Variants in BCKDHB observed in about 807,000 individuals in gnomAD.
BCKDHB encodes 2-oxoisovalerate dehydrogenase subunit beta, mitochondrial.
A neutral mutation model predicts 48.5 loss-of-function variants in BCKDHB; 41 were observed. That is an observed-to-expected ratio of 0.85 (90% CI 0.66 to 1.10). The LOEUF is 1.10. BCKDHB is among the 50% of genes least tolerant of loss of function. BCKDHB has a pLI of 0.00. For missense variants in BCKDHB, 496 were observed against 494.2 expected, an observed-to-expected ratio of 1.00 and a Z score of -0.03; for synonymous variants, 201 against 174.8, an observed-to-expected ratio of 1.15 and a Z score of -1.18.
At chr6:80,292,000 T>C (rs1353414640) in intron 9 of BCKDHB, among the ~76,000 whole-genome samples, 1 of 152,178 alleles carries the variant, frequency 6.6e-6, no homozygotes, top group Admixed American at 6.5e-5. Context: ...AGCCCTGCCA[T>C]GGGTTTGTAC....
chr6:80,392,809 T>C, the BCKDHB span, among the ~76,000 whole-genome samples: 3 of 151,272 alleles, frequency 2.0e-5, no homozygotes, highest in East Asian at 1.9e-4. Flanking sequence ...TGCTTCATCA[T>C]AGCTTAACCT....
chr6:80,419,903 C>T, the BCKDHB span, among the ~76,000 whole-genome samples: 1 of 151,926 alleles, frequency 6.6e-6, no homozygotes, highest in African/African-American at 2.4e-5. Flanking sequence ...CTAATTCTTT[C>T]CTCTACTTGA....
the BCKDHB span, among the ~76,000 whole-genome samples, chr6:80,409,794 C>T: frequency 6.6e-6 from 1 of 151,332 alleles, no homozygotes; most frequent in Non-Finnish European, 1.5e-5. Flanking sequence ...TCCTCTATCC[C>T]TTTATTTTGA....
chr6:80,109,547 A>G (rs1316658224), intron 1 of BCKDHB, among the ~76,000 whole-genome samples: 1 of 152,222 alleles, frequency 6.6e-6, no homozygotes, highest in African/African-American at 2.4e-5. Flanking sequence ...TTGGATATTA[A>G]TGCTAAAATT....
At chr6:80,339,818 T>C (rs1000932232) in intron 9 of BCKDHB, among the ~76,000 whole-genome samples, 4 of 152,196 alleles carry the variant, frequency 2.6e-5, no homozygotes, top group African/African-American at 9.6e-5. Flanking sequence ...CCTTCCACAT[T>C]ACCATTCTTC....
At chr6:80,158,758 A>T (rs1210971628) in intron 3 of BCKDHB, among the ~76,000 whole-genome samples, 1 of 152,206 alleles carries the variant, frequency 6.6e-6, no homozygotes, top group African/African-American at 2.4e-5. Flanking sequence ...CACTGCAGAT[A>T]AAACAGACCC....
intron 9 of BCKDHB, among the ~76,000 whole-genome samples, chr6:80,300,423 A>G (rs1039040819): frequency 1.3e-5 from 2 of 152,264 alleles, no homozygotes; most frequent in South Asian, 2.1e-4. Flanking sequence ...AGGGCATTAC[A>G]TAATGATAAA....
At chr6:80,133,035 C>T (rs182018144) in intron 3 of BCKDHB, among the ~76,000 whole-genome samples, 101 of 152,252 alleles carry the variant, frequency 6.6e-4, no homozygotes, top group African/African-American at 2.4e-3. Context: ...AATCAAGTCA[C>T]ACTGCATTAA....
chr6:80,127,684 C>A, intron 2 of BCKDHB, 60 bp downstream of exon 2: 1 of 1,434,740 alleles, frequency 7.0e-7, no homozygotes, highest in Non-Finnish European at 9.8e-7. Flanking sequence ...TGAAGATTTG[C>A]TTAAAATATT....
intron 8 of BCKDHB, among the ~76,000 whole-genome samples, chr6:80,214,860 T>C (rs1476090760): frequency 6.6e-6 from 1 of 152,208 alleles, no homozygotes; most frequent in East Asian, 1.9e-4. Flanking sequence ...TCTAAACCTT[T>C]AGTTAAAAAT....
At chr6:80,297,371 A>T (rs1767310014) in intron 9 of BCKDHB, among the ~76,000 whole-genome samples, 1 of 152,158 alleles carries the variant, frequency 6.6e-6, no homozygotes, top group African/African-American at 2.4e-5. Context: ...GACATTACAC[A>T]TTTTACTTTT....
chr6:80,258,013 G>A (rs1777131734), intron 8 of BCKDHB, among the ~76,000 whole-genome samples: 1 of 151,696 alleles, frequency 6.6e-6, no homozygotes, highest in African/African-American at 2.4e-5. Flanking sequence ...CTATAAATCA[G>A]GACATGAATT....
the BCKDHB span, among the ~76,000 whole-genome samples, chr6:80,452,105 C>T: frequency 6.6e-6 from 1 of 152,176 alleles, no homozygotes; most frequent in African/African-American, 2.4e-5. Flanking sequence ...CAATATGGTA[C>T]AGTCTGGTGG....
chr6:80,261,552 C>T (rs1403905489), intron 8 of BCKDHB, among the ~76,000 whole-genome samples: 1 of 152,032 alleles, frequency 6.6e-6, no homozygotes, highest in Non-Finnish European at 1.5e-5. Context: ...GAGCATCATA[C>T]CCTGAGAGTG....
chr6:80,259,421 C>A (rs954718816), intron 8 of BCKDHB, among the ~76,000 whole-genome samples: 1 of 152,200 alleles, frequency 6.6e-6, no homozygotes, highest in Non-Finnish European at 1.5e-5. Flanking sequence ...AAAGCTATGT[C>A]AAGATTCCAC....
rs1416441555 is a variant in BCKDHB at position 80,268,111 on chromosome 6, A to G, written c.952-5024A>G. Reference sequence around the variant, plus strand: ...GGTCCAGTCATGTGTGGAGGAGGTCATGCTGATTAACAAATTACTAGGCAT... The same window carrying G: ...GGTCCAGTCATGTGTGGAGGAGGTCGTGCTGATTAACAAATTACTAGGCAT... On this transcript the variant is annotated intron_variant, in intron 8 of 9. Coordinates refer to ENST00000320393, the MANE Select transcript of BCKDHB (RefSeq NM_183050.4). Among the ~76,000 whole-genome samples the G allele has an allele frequency of 3.3e-5, 5 of 152,238 alleles. No individual in the cohort carries two copies. In the South Asian group the frequency reaches 6.2e-4, roughly 19 times the overall value.
chr6:80,157,402 T>C (rs1772093914), intron 3 of BCKDHB, among the ~76,000 whole-genome samples: 1 of 151,924 alleles, frequency 6.6e-6, no homozygotes, highest in African/African-American at 2.4e-5. Context: ...ACAAATGTTT[T>C]TAAAATTCCA....
chr6:80,323,861 C>T (rs976230408), intron 9 of BCKDHB, among the ~76,000 whole-genome samples: 8 of 152,202 alleles, frequency 5.3e-5, no homozygotes, highest in African/African-American at 1.7e-4. Context: ...CAAGCTCCGC[C>T]CCCCGGGTTC....
intron 9 of BCKDHB, among the ~76,000 whole-genome samples, chr6:80,337,016 T>C (rs1376891441): frequency 3.3e-5 from 5 of 152,124 alleles, no homozygotes; most frequent in Non-Finnish European, 5.9e-5. Flanking sequence ...TGAAAAATAA[T>C]ATTTTACATT....
Sources: allele counts gnomAD v4.1 joint callset (sites outside exome capture counted in the v4.1 genomes callset), GRCh38; gene constraint gnomAD v4.1.1; transcripts MANE v1.5; gene names NCBI Gene and HGNC (gene_info 2026-07-23, HGNC 2026-07-21).